ARID1B: variants seen among roughly 807,000 people sequenced by gnomAD.
ARID1B encodes AT-rich interactive domain-containing protein 1B.
ARID1B carries 30 observed loss-of-function variants against 212.3 expected under a neutral mutation model. That is an observed-to-expected ratio of 0.14 (90% confidence interval 0.11 to 0.19). The LOEUF is 0.19. Among genes scored for constraint, ARID1B ranks in the 10% least tolerant of loss-of-function variants. The pLI is 1.00. For missense variants in ARID1B, 2,891 were observed against 3,204.0 expected (o/e 0.90, Z 2.36); for synonymous variants, 1,402 against 1,301.7 (o/e 1.08, Z -1.66).
At chr6:157,018,827 T>C (rs1780060704) in intron 4 of ARID1B, among the ~76,000 whole-genome samples, 1 of 152,206 alleles carries the variant, frequency 6.6e-6, no homozygotes, top group Non-Finnish European at 1.5e-5. Context: ...TGTGATTATA[T>C]ATACAACAGT....
Position 157,210,024 on chromosome 6 carries a change from A to G in ARID1B, c.*2133A>G, listed in dbSNP as rs1794685648. ...GTCGGTTCACATTACTCACAGTAAT[A>G]TATGGAAGAGTTAGACAAGAACATG... is the stretch of plus-strand genomic sequence containing the variant. On this transcript the variant is annotated 3_prime_UTR_variant, in exon 20 of 20. Transcript: ENST00000636930. The G allele has an allele frequency of 4.3e-6, 1 of 233,072 alleles. No homozygotes were observed. Among genetic ancestry groups the G allele is most frequent in the Non-Finnish European group, 8.5e-6 (1 of 117,992 alleles). 14.4% of individuals were successfully genotyped at this position (233,072 alleles called of 1,614,324 possible). A position where few individuals can be genotyped will look rare whatever the true frequency, so the allele number is the denominator to read the frequency against.
intron 1 of ARID1B, among the ~76,000 whole-genome samples, chr6:156,795,980 C>T (rs1372867082): frequency 6.6e-6 from 1 of 152,010 alleles, no homozygotes; most frequent in Non-Finnish European, 1.5e-5. Context: ...TGGGAAAGCT[C>T]GGCACTGCTC....
At chr6:157,183,252 C>T (rs1044283383) in intron 12 of ARID1B, among the ~76,000 whole-genome samples, 3 of 152,124 alleles carry the variant, frequency 2.0e-5, no homozygotes, top group Non-Finnish European at 4.4e-5. Flanking sequence ...AGTTTGCAGC[C>T]CTGCATTCAG....
At chr6:157,189,596 T>C (rs1334416860) in intron 13 of ARID1B, 46 bp from the exon 14 acceptor site, 1 of 1,563,902 alleles carries the variant, frequency 6.4e-7, no homozygotes. Flanking sequence ...GCTTACTTGA[T>C]AATCTCTGGA....
At chr6:156,863,614 A>G (rs1229798636) in intron 2 of ARID1B, among the ~76,000 whole-genome samples, 1 of 152,142 alleles carries the variant, frequency 6.6e-6, no homozygotes, top group Non-Finnish European at 1.5e-5. Context: ...CTCTCCTGTG[A>G]AACACAGGAG....
intron 4 of ARID1B, among the ~76,000 whole-genome samples, chr6:156,981,472 A>C (rs6919712): frequency 0.2 from 30,334 of 152,190 alleles, 3,309 homozygotes; most frequent in East Asian, 0.41. Flanking sequence ...TAGATGATGA[A>C]AATCAAATGA....
chr6:157,156,448 T>G (rs185541114), intron 8 of ARID1B, among the ~76,000 whole-genome samples: 1 of 152,368 alleles, frequency 6.6e-6, no homozygotes. Context: ...CAATTAAAAC[T>G]TTTAGAATTA....
rs972587744 is a variant in ARID1B, at chr6:156,955,917, C to T, written c.2247+20341C>T. ...TGGAGGCCGCTGGTGGTGGAAGCCG[C>T]GCCTGTTCTATTTCCTCACCTTCCT... On this transcript the variant is annotated intron_variant, in intron 4 of 19. Transcript: ENST00000636930. The surrounding 1 kb of genome is among the most constrained non-coding windows in gnomAD (Gnocchi z 4.2). Among the ~76,000 whole-genome samples the T allele has an allele frequency of 2.0e-5, 3 of 152,298 alleles. No homozygotes were observed. The highest frequency in any genetic ancestry group is 6.5e-5 in the Admixed American group (1 of 15,292).
intron 4 of ARID1B, among the ~76,000 whole-genome samples, chr6:156,978,882 T>G (rs1777428969): frequency 6.6e-6 from 1 of 152,230 alleles, no homozygotes; most frequent in Non-Finnish European, 1.5e-5. Context: ...AGTATGTTAT[T>G]CCATTTGTTC....
At chr6:156,799,704 G>A (rs539138477) in intron 1 of ARID1B, among the ~76,000 whole-genome samples, 3 of 152,192 alleles carry the variant, frequency 2.0e-5, no homozygotes, top group South Asian at 2.1e-4. Flanking sequence ...TCTCGAACTC[G>A]TGACCTCAAG....
At position 156,946,440 on chromosome 6, in the gene ARID1B, G is replaced by A. The variant is rs150858437; in HGVS notation, c.2247+10864G>A. Among the ~76,000 whole-genome samples the A allele has an allele frequency of 5.6e-3, 854 of 152,200 alleles. 9 individuals are homozygous for A. The highest frequency in any genetic ancestry group is 0.02 in the African/African-American group (825 of 41,528). ...ATTAGTGAGTGTCCAAGATAGAGGTGTGTGAATTTTAAAGACAGGGCTTCC... is the reference window on the plus strand; with the variant it reads ...ATTAGTGAGTGTCCAAGATAGAGGTATGTGAATTTTAAAGACAGGGCTTCC... On this transcript the variant is annotated intron_variant, in intron 4 of 19. Transcript: ENST00000636930.
chr6:157,021,275 G>C (rs1413031775), intron 4 of ARID1B, among the ~76,000 whole-genome samples: 1 of 152,214 alleles, frequency 6.6e-6, no homozygotes, highest in Non-Finnish European at 1.5e-5. Context: ...GGGGAGACTC[G>C]CCCGCGCCCA....
At chr6:156,954,677 T>A (rs954705347) in intron 4 of ARID1B, among the ~76,000 whole-genome samples, 2 of 152,234 alleles carry the variant, frequency 1.3e-5, no homozygotes, top group African/African-American at 4.8e-5. Context: ...TTTGTTTTTT[T>A]AAATCCTGGT....
chr6:156,928,534 A>G (rs967677697), intron 3 of ARID1B, among the ~76,000 whole-genome samples: 5 of 152,166 alleles, frequency 3.3e-5, no homozygotes, highest in African/African-American at 1.2e-4. Context: ...CAGAGGTCCA[A>G]ACATTAAGGA....
chr6:156,862,225 CT>C (rs35069493), intron 2 of ARID1B, among the ~76,000 whole-genome samples: 14,587 of 152,194 alleles, frequency 0.096, 944 homozygotes, highest in East Asian at 0.3. Flanking sequence ...CTGTTCTGGG[CT>C]TTCCATTGGA....
chr6:156,901,392 G>A lies in ARID1B; in HGVS notation c.2003G>A (p.Gly668Glu). Residue 668 changes from glycine (G) to glutamate (E), a missense_variant, in exon 3 of 20, where the codon GGA becomes GAA. By Grantham distance (98) the Gly-to-Glu change is moderately conservative. Around this residue, in one of 7 missense-constraint regions of ARID1B, gnomAD observed 1,643 missense variants for 1,544.0 expected, o/e 1.06. Coordinates refer to ENST00000636930, the MANE Select transcript of ARID1B (RefSeq NM_001374828.1). The part of the protein sequence containing the change: ...YPQQQMPPQY[G>E]QQGVSGYCQQ... ...TTTTGACAGATGCCACCTCAGTATG[G>A]ACAGCAAGGTGTGAGTGGTTACTGC... The A allele has an allele frequency of 1.9e-6, 3 of 1,614,094 alleles. No individual in the cohort carries two copies. The highest frequency in any genetic ancestry group is 2.5e-6 in the Non-Finnish European group (3 of 1,180,018).
At chr6:157,017,319 G>A (rs955453463) in intron 4 of ARID1B, among the ~76,000 whole-genome samples, 3 of 152,156 alleles carry the variant, frequency 2.0e-5, no homozygotes, top group African/African-American at 7.2e-5. Flanking sequence ...AAGGCAGATT[G>A]GGAAATAATT....
At chr6:156,900,821 A>G (rs1788863883) in intron 2 of ARID1B, among the ~76,000 whole-genome samples, 1 of 152,152 alleles carries the variant, frequency 6.6e-6, no homozygotes, top group South Asian at 2.1e-4. Flanking sequence ...TACCTGTTTT[A>G]TCAACTAAGA....
chr6:157,114,191 G>C (rs760037171), intron 6 of ARID1B, among the ~76,000 whole-genome samples: 2 of 152,112 alleles, frequency 1.3e-5, no homozygotes, highest in Non-Finnish European at 2.9e-5. Flanking sequence ...AAAGAAACAG[G>C]CCAAGAAATA....
Sources: gnomAD v4.1 joint callset for allele counts (sites outside exome capture counted in the v4.1 genomes callset) on GRCh38, gnomAD v4.1.1 for gene constraint, gnomAD v4.1.1 regional missense constraint, Gnocchi (gnomAD v3.1) non-coding constraint, MANE v1.5 for transcripts, NCBI Gene and HGNC (gene_info 2026-07-23, HGNC 2026-07-21) for gene names.